LRRC7: variants seen among roughly 807,000 people sequenced by gnomAD.
LRRC7 encodes leucine-rich repeat-containing protein 7.
In LRRC7, 23 loss-of-function variants were observed where a neutral mutation model predicts 175.7. The observed-to-expected ratio is 0.13, with a 90% CI of 0.09 to 0.19. The LOEUF (loss-of-function observed/expected upper bound fraction) is 0.19, where lower values mean the gene tolerates loss of function less well. LRRC7 is among the 10% of genes least tolerant of loss of function. LRRC7 has a pLI of 1.00. For synonymous variants in LRRC7, 685 were observed against 680.9 expected (o/e 1.01, Z -0.09); for missense variants, 1,354 against 1,904.7 (o/e 0.71, Z 5.38).
At chr1:69,611,046 G>C (rs1648638085) in intron 1 of LRRC7, among the ~76,000 whole-genome samples, 1 of 151,922 alleles carries the variant, frequency 6.6e-6, no homozygotes, top group Non-Finnish European at 1.5e-5. Context: ...CAAAAGGCAA[G>C]TAAACACATT....
At chr1:69,968,183 T>C (rs1053111484) in intron 8 of LRRC7, among the ~76,000 whole-genome samples, 9 of 151,982 alleles carry the variant, frequency 5.9e-5, no homozygotes, top group Middle Eastern at 3.4e-3. Flanking sequence ...AGCAATAGAA[T>C]TGAACAAGCA....
intron 23 of LRRC7, among the ~76,000 whole-genome samples, chr1:70,057,006 G>C (rs1344056273): frequency 1.3e-5 from 2 of 152,040 alleles, no homozygotes; most frequent in African/African-American, 4.8e-5. Context: ...ATGTTGGGGG[G>C]GGAATCCATA....
intron 8 of LRRC7, among the ~76,000 whole-genome samples, chr1:69,973,084 T>A (rs555754384): frequency 6.8e-5 from 10 of 146,456 alleles, no homozygotes; most frequent in African/African-American, 1.2e-4. Flanking sequence ...TATATATATA[T>A]AAAAAAATAC....
At position 69,818,191 on chromosome 1, in the gene LRRC7, G is replaced by T. The variant is rs530033566; in HGVS notation, c.422-7557G>T. On this transcript the variant is annotated intron_variant, in intron 4 of 26. Transcript: ENST00000651989. The stretch of plus-strand genomic sequence containing the variant: ...GAGTGATCATCCTTGTCATGTTCCT[G>T]TTCTTAGATGAAAAGCTTTCAACTT... Among the ~76,000 whole-genome samples, 5 of 152,182 alleles carry T rather than the reference G, an allele frequency of 3.3e-5. No individual in the cohort carries two copies. The East Asian group carries it at 9.7e-4, about 29-fold the overall frequency.
At chr1:69,970,982 A>G (rs955706971) in intron 8 of LRRC7, among the ~76,000 whole-genome samples, 5 of 152,210 alleles carry the variant, frequency 3.3e-5, no homozygotes, top group African/African-American at 1.2e-4. Context: ...AACATACACA[A>G]GTCAACAAAT....
At chr1:69,830,573 A>G (rs936118412) in intron 5 of LRRC7, among the ~76,000 whole-genome samples, 1 of 151,864 alleles carries the variant, frequency 6.6e-6, no homozygotes, top group Non-Finnish European at 1.5e-5. Context: ...TTTTCCCAGG[A>G]ATAGAAAATT....
rs573868509 is a variant in LRRC7, at chr1:70,110,873, C to A, written c.4620+3047C>A. On this transcript the variant is annotated intron_variant, in intron 26 of 26. Transcript: ENST00000651989. ...TTTGCAATATCAGATGCTAAGAAGG[C>A]AAGCTATATATTTATCTATATATAA... 1.7e-4 allele frequency among the ~76,000 whole-genome samples: 26 copies of A among 152,200 alleles called. No homozygotes were observed. In the South Asian group the frequency reaches 5.4e-3, roughly 32 times the overall value.
intron 4 of LRRC7, among the ~76,000 whole-genome samples, chr1:69,804,363 A>AT (rs959327391): frequency 4.6e-5 from 7 of 151,462 alleles, no homozygotes; most frequent in Middle Eastern, 3.2e-3. Flanking sequence ...ACATTTTATG[A>AT]TTTTTACATA....
intron 2 of LRRC7, among the ~76,000 whole-genome samples, chr1:69,687,270 A>C (rs2100641059): frequency 6.6e-6 from 1 of 152,262 alleles, no homozygotes; most frequent in South Asian, 2.1e-4. Context: ...GCACTTTGGC[A>C]GGCTGAGGAG....
At chr1:69,675,108 C>T (rs1047908995) in intron 1 of LRRC7, among the ~76,000 whole-genome samples, 1 of 152,156 alleles carries the variant, frequency 6.6e-6, no homozygotes, top group African/African-American at 2.4e-5. Context: ...TAAGCCCAGG[C>T]ATTCTGATTC....
intron 1 of LRRC7, among the ~76,000 whole-genome samples, chr1:69,603,042 T>C (rs1219467402): frequency 1.3e-5 from 2 of 152,200 alleles, no homozygotes; most frequent in East Asian, 1.9e-4. Context: ...TCTTCGACTG[T>C]ATTCCTAGTA....
chr1:70,043,806 C>T, intron 21 of LRRC7, 148 bp from the exon 22 acceptor site: 2 of 831,394 alleles, frequency 2.4e-6, no homozygotes, highest in Non-Finnish European at 3.7e-6. Context: ...TTACTGTATG[C>T]TTCTGTCTGA....
At chr1:70,095,021 C>G (rs971158616) in intron 25 of LRRC7, among the ~76,000 whole-genome samples, 1 of 152,090 alleles carries the variant, frequency 6.6e-6, no homozygotes, top group Non-Finnish European at 1.5e-5. Flanking sequence ...AGCACATTTC[C>G]TTAACTTTGT....
chr1:69,969,357 C>T (rs984328573), intron 8 of LRRC7, among the ~76,000 whole-genome samples: 11 of 152,116 alleles, frequency 7.2e-5, no homozygotes, highest in African/African-American at 2.4e-4. Context: ...TAAGAATTCA[C>T]CAACCAACTA....
chr1:69,740,999 C>T (rs533086288), intron 2 of LRRC7, among the ~76,000 whole-genome samples: 3 of 151,450 alleles, frequency 2.0e-5, no homozygotes, highest in East Asian at 1.9e-4. Flanking sequence ...TAATAAATAA[C>T]GAATATTTAT....
chr1:69,742,779 T>C (rs1668849157), intron 2 of LRRC7, among the ~76,000 whole-genome samples: 1 of 152,042 alleles, frequency 6.6e-6, no homozygotes, highest in Non-Finnish European at 1.5e-5. Flanking sequence ...TGCCTTTGGC[T>C]CTATTAAACC....
At chr1:69,620,562 G>A (rs892988672) in intron 1 of LRRC7, among the ~76,000 whole-genome samples, 1 of 152,100 alleles carries the variant, frequency 6.6e-6, no homozygotes, top group Non-Finnish European at 1.5e-5. Context: ...CAGCTACATC[G>A]TGCTGCAAGG....
chr1:70,080,698 C>G (rs1448035084), intron 24 of LRRC7, among the ~76,000 whole-genome samples: 1 of 152,118 alleles, frequency 6.6e-6, no homozygotes, highest in African/African-American at 2.4e-5. Flanking sequence ...ATATCTGCAG[C>G]AAAAACCATG....
At chr1:69,908,240 GT>G (rs991533867) in intron 7 of LRRC7, among the ~76,000 whole-genome samples, 2 of 151,998 alleles carry the variant, frequency 1.3e-5, no homozygotes, top group Non-Finnish European at 2.9e-5. Flanking sequence ...TTTTTGAAGG[GT>G]TTTTTTGTGT....
Sources: gnomAD v4.1 joint callset for allele counts (sites outside exome capture counted in the v4.1 genomes callset) on GRCh38, gnomAD v4.1.1 for gene constraint, MANE v1.5 for transcripts, NCBI Gene and HGNC (gene_info 2026-07-23, HGNC 2026-07-21) for gene names.